ERBB4: variants seen among roughly 807,000 people sequenced by gnomAD.
ERBB4 encodes erb-b2 receptor tyrosine kinase 4, also known as receptor tyrosine-protein kinase erbB-4.
A neutral mutation model predicts 158.0 loss-of-function variants in ERBB4; 42 were observed. The observed-to-expected ratio is 0.27, with a 90% CI of 0.21 to 0.34. ERBB4 has a LOEUF of 0.34. Among genes scored for constraint, ERBB4 ranks in the 10% least tolerant of loss-of-function variants. ERBB4 has a pLI of 1.00. For missense variants in ERBB4, 1,333 were observed against 1,624.1 expected (o/e 0.82, Z 3.08); for synonymous variants, 583 against 558.7 (o/e 1.04, Z -0.61).
At chr2:211,635,187 A>C (rs1276882983) in intron 16 of ERBB4, among the ~76,000 whole-genome samples, 1 of 152,326 alleles carries the variant, frequency 6.6e-6, no homozygotes, top group Admixed American at 6.5e-5. Flanking sequence ...CCAAGCTTAG[A>C]CTAAAAGGAT....
intron 3 of ERBB4, among the ~76,000 whole-genome samples, chr2:211,875,050 A>AAAAAAAAAAAAAAAAC (rs66500425): frequency 6.9e-4 from 52 of 75,870 alleles, no homozygotes; most frequent in African/African-American, 9.8e-4. Context: ...AAAAAAAAAA[A>AAAAAAAAAAAAAAAAC]CAAACTCAAA....
At chr2:212,500,871 A>T (rs190328074) in intron 1 of ERBB4, among the ~76,000 whole-genome samples, 76 of 152,316 alleles carry the variant, frequency 5.0e-4, no homozygotes, top group African/African-American at 1.8e-3. Flanking sequence ...CCAGTAGTTC[A>T]GAAAATTCTT....
At chr2:212,343,852 A>G (rs974952192) in intron 1 of ERBB4, among the ~76,000 whole-genome samples, 2 of 152,068 alleles carry the variant, frequency 1.3e-5, no homozygotes, top group African/African-American at 4.8e-5. Flanking sequence ...TTCTAGTTAT[A>G]TTTACTTTTA....
intron 1 of ERBB4, among the ~76,000 whole-genome samples, chr2:212,127,561 C>A (rs1163443489): frequency 6.6e-6 from 1 of 152,152 alleles, no homozygotes; most frequent in Non-Finnish European, 1.5e-5. Flanking sequence ...CACTGCACTC[C>A]AGCCTGGGCA....
chr2:211,581,189 G>T (rs1006539144), intron 19 of ERBB4, among the ~76,000 whole-genome samples: 1 of 151,104 alleles, frequency 6.6e-6, no homozygotes, highest in Non-Finnish European at 1.5e-5. Context: ...GGTGATGGGG[G>T]CACCAAAATC....
chr2:211,857,147 C>T (rs11889096), intron 3 of ERBB4, among the ~76,000 whole-genome samples: 1,440 of 143,632 alleles, frequency 0.01, 31 homozygotes, highest in African/African-American at 0.034. Flanking sequence ...CTGTGTATAT[C>T]TCTGTGTGTG....
At chr2:211,805,564 C>T (rs755210377) in intron 3 of ERBB4, among the ~76,000 whole-genome samples, 4 of 152,206 alleles carry the variant, frequency 2.6e-5, no homozygotes, top group Non-Finnish European at 5.9e-5. Context: ...GTGGCCTCTT[C>T]GCCAAACCAT....
chr2:211,670,559 T>C (rs966615111), intron 14 of ERBB4, among the ~76,000 whole-genome samples: 3 of 152,232 alleles, frequency 2.0e-5, no homozygotes, highest in Admixed American at 6.5e-5. Flanking sequence ...GGAGGCATCA[T>C]GAAGAAGAGA....
chr2:212,067,444 G>A (rs1351492833), intron 2 of ERBB4, among the ~76,000 whole-genome samples: 1 of 151,948 alleles, frequency 6.6e-6, no homozygotes, highest in Non-Finnish European at 1.5e-5. Context: ...TCTACCTATA[G>A]ATTAAGTTAG....
intron 1 of ERBB4, among the ~76,000 whole-genome samples, chr2:212,253,431 C>T (rs1169216445): frequency 6.6e-6 from 1 of 151,966 alleles, no homozygotes; most frequent in Non-Finnish European, 1.5e-5. Flanking sequence ...TTTTCCATTA[C>T]ATTAAAAAAA....
chr2:212,186,997 T>C (rs2082033437), intron 1 of ERBB4, among the ~76,000 whole-genome samples: 1 of 152,132 alleles, frequency 6.6e-6, no homozygotes, highest in Non-Finnish European at 1.5e-5. Context: ...AATTTAAATA[T>C]ATAATACTAA....
chr2:211,663,375 A>C (rs1299114133), intron 15 of ERBB4, among the ~76,000 whole-genome samples: 1 of 152,212 alleles, frequency 6.6e-6, no homozygotes, highest in Non-Finnish European at 1.5e-5. Context: ...GGAAGATGCC[A>C]GGGAGTACAA....
intron 25 of ERBB4, among the ~76,000 whole-genome samples, chr2:211,403,687 T>TAAGA (rs1467728014): frequency 2.6e-5 from 4 of 152,188 alleles, no homozygotes; most frequent in African/African-American, 9.6e-5. Flanking sequence ...GCCAATTCTT[T>TAAGA]AAGAATCCCT....
chr2:212,204,816 CTTTTTTTT>C (rs369446940), intron 1 of ERBB4, among the ~76,000 whole-genome samples: 1 of 122,190 alleles, frequency 8.2e-6, no homozygotes, highest in Admixed American at 9.0e-5. Flanking sequence ...TATATGAAAA[CTTTTTTTT>C]TTTTTTTTTT....
At chr2:212,485,224 A>G (rs1560455091) in intron 1 of ERBB4, among the ~76,000 whole-genome samples, 1 of 152,144 alleles carries the variant, frequency 6.6e-6, no homozygotes. Flanking sequence ...CTTCAATTCT[A>G]TTAGCTCCAC....
At chr2:211,669,025 C>A (rs370482295) in intron 14 of ERBB4, among the ~76,000 whole-genome samples, 1 of 151,846 alleles carries the variant, frequency 6.6e-6, no homozygotes, top group Non-Finnish European at 1.5e-5. Context: ...CAGTTCAAGA[C>A]CAACCTGGGC....
intron 20 of ERBB4, among the ~76,000 whole-genome samples, chr2:211,534,745 A>C (rs541021821): frequency 6.6e-6 from 1 of 152,082 alleles, no homozygotes; most frequent in Non-Finnish European, 1.5e-5. Context: ...ACATGACTAG[A>C]CTGAGCCCTG....
intron 3 of ERBB4, among the ~76,000 whole-genome samples, chr2:211,844,056 A>C (rs1302832628): frequency 1.3e-5 from 2 of 152,126 alleles, no homozygotes; most frequent in African/African-American, 4.8e-5. Context: ...ACACATAGTG[A>C]CAGACTTCGT....
chr2:212,057,232 G>C (rs999034196), intron 2 of ERBB4, among the ~76,000 whole-genome samples: 1 of 152,120 alleles, frequency 6.6e-6, no homozygotes, highest in Admixed American at 6.6e-5. Context: ...AGAGCTAACT[G>C]TTCTAAATAT....
Sources: gnomAD v4.1 joint callset for allele counts (sites outside exome capture counted in the v4.1 genomes callset) on GRCh38, gnomAD v4.1.1 for gene constraint, MANE v1.5 for transcripts, NCBI Gene and HGNC (gene_info 2026-07-23, HGNC 2026-07-21) for gene names.